ZC3H18: variants seen among roughly 807,000 people sequenced by gnomAD.
The protein encoded by ZC3H18 is zinc finger CCCH domain-containing protein 18.
Under a neutral mutation model 106.1 loss-of-function variants are expected in ZC3H18, and 8 were observed. That is an observed-to-expected ratio of 0.08 (90% CI 0.04 to 0.14). ZC3H18 has a LOEUF of 0.14. Among genes scored for constraint, ZC3H18 ranks in the 10% least tolerant of loss-of-function variants. The pLI is 1.00. For synonymous variants in ZC3H18, 635 were observed against 522.1 expected (o/e 1.22, Z -2.95); for missense variants, 1,318 against 1,278.4 (o/e 1.03, Z -0.47).
At chr16:88,611,633 C>T in intron 8 of ZC3H18, 97 bp downstream of exon 8, 1 of 1,461,146 alleles carries the variant, frequency 6.8e-7, no homozygotes, top group Non-Finnish European at 9.1e-7. Flanking sequence ...CTGTGGCCCA[C>T]AGCTCTGGAG....
rs543721324 is a variant in ZC3H18 at position 88,593,639 on chromosome 16, A to G, written c.689-4539A>G. Among the ~76,000 whole-genome samples, 33 of 152,180 alleles carry G rather than the reference A, an allele frequency of 2.2e-4. 1 individual carries two copies. The highest frequency in any genetic ancestry group is 4.7e-4 in the Non-Finnish European group (32 of 68,034). On this transcript the variant is annotated intron_variant, in intron 3 of 17. Coordinates refer to ENST00000301011, the MANE Select transcript of ZC3H18 (RefSeq NM_144604.4). ...AGCGGCCTCAAGGGGCAGCACGTGC[A>G]AGGCTGGAGCTGCGGCTGACCCTGT...
At chr16:88,616,254 C>G (rs1055114986) in intron 8 of ZC3H18, among the ~76,000 whole-genome samples, 7 of 152,194 alleles carry the variant, frequency 4.6e-5, no homozygotes, top group Non-Finnish European at 1.0e-4. Flanking sequence ...TTCTTAAAAT[C>G]AAACACAGCT....
chr16:88,622,999 C>G, intron 9 of ZC3H18: 1 of 651,156 alleles, frequency 1.5e-6, no homozygotes, highest in Non-Finnish European at 2.5e-6. Context: ...GTCTTGATTT[C>G]TAAATGCCGT....
intron 3 of ZC3H18, among the ~76,000 whole-genome samples, chr16:88,597,537 A>AG (rs1904503435): frequency 6.6e-6 from 1 of 152,258 alleles, no homozygotes; most frequent in South Asian, 2.1e-4. Flanking sequence ...TTAGACACTT[A>AG]GATGTCTTAT....
Position 88,628,081 on chromosome 16 carries a change from G to T in ZC3H18, c.2431G>T (p.Val811Leu), listed in dbSNP as rs1278424396. 6.2e-7 allele frequency: 1 copy of T among 1,614,062 alleles called. No homozygotes were observed. The highest frequency in any genetic ancestry group is 2.2e-5 in the East Asian group (1 of 44,882). ...CGGGCAGCCCCAGCAGGGCACATTT[G>T]TGGCCCACAAGGAGATCAAGTTGAC... The part of the protein sequence containing the change: ...PPGQPQQGTF[V>L]AHKEIKLTLL... Residue 811 changes from valine (V) to leucine (L), a missense_variant, in exon 15 of 18, where the codon GTG becomes TTG. Coordinates refer to ENST00000301011, the MANE Select transcript of ZC3H18 (RefSeq NM_144604.4).
rs1199147241 is a variant in ZC3H18, at chr16:88,623,107, T to C, written c.1668-112T>C. 3 of 1,457,292 alleles carry C rather than the reference T, an allele frequency of 2.1e-6. No individual in the cohort carries two copies. In the East Asian group the frequency reaches 7.4e-5, roughly 36 times the overall value. 90.3% of individuals were successfully genotyped at this position (1,457,292 alleles called of 1,614,324 possible). On this transcript the variant is annotated intron_variant, in intron 9 of 17. Coordinates refer to ENST00000301011, the MANE Select transcript of ZC3H18 (RefSeq NM_144604.4). Reference sequence around the variant, plus strand: ...TGTGCGCGCGTGCGCAGCTGTGCGCTTGTGTGTAGCTGTGCGTCTGTGGGT... The same window carrying C: ...TGTGCGCGCGTGCGCAGCTGTGCGCCTGTGTGTAGCTGTGCGTCTGTGGGT...
chr16:88,598,660 C>T lies in ZC3H18; in HGVS notation c.878C>T (p.Pro293Leu), dbSNP rs967640954. The change falls in exon 5 of 18, where the codon CCA (proline) becomes CTA (leucine). Residue 293 changes from proline (P) to leucine (L), a missense_variant. Transcript: ENST00000301011. ...GATGAAATTTTGCCTCCACCCCCTC[C>T]AGAGCCCCCAACAGAGAGTGCCTGG... ...VVDEILPPPP[P>L]EPPTESAWER... 8 of 1,613,024 alleles carry T rather than the reference C, an allele frequency of 5.0e-6. No individual in the cohort carries two copies. The African/African-American group carries it at 6.7e-5, about 13-fold the overall frequency.
chr16:88,627,648 C>A lies in ZC3H18; in HGVS notation c.2135C>A (p.Ser712Ter). 6.2e-7 allele frequency: 1 copy of A among 1,608,716 alleles called. No individual in the cohort carries two copies. The highest frequency in any genetic ancestry group is 8.5e-7 in the Non-Finnish European group (1 of 1,175,648). ...SRSLSVSSVSSVSSATSSSSS... is the reference protein window; with the variant it reads ...SRSLSVSSVS ...TCCCTGAGCGTGAGCAGCGTCTCCT[C>A]AGTGTCCAGTGCTACGTCGAGCAGC... The change falls in exon 14 of 18, where the codon TCA becomes TAA. Residue 712 changes from serine (S) to a stop codon, truncating the protein, a stop_gained. Transcript: ENST00000301011. LOFTEE classifies it high-confidence loss of function. This position sits in a 1 kb window ranked among gnomAD's most constrained non-coding sequence, Gnocchi z 4.5.
At chr16:88,604,069 C>T (rs1030541461) in intron 6 of ZC3H18, among the ~76,000 whole-genome samples, 4 of 152,132 alleles carry the variant, frequency 2.6e-5, no homozygotes, top group Non-Finnish European at 5.9e-5. Flanking sequence ...CACATATTGG[C>T]TGGATACAGT....
At chr16:88,603,290 G>T (rs184864121) in intron 6 of ZC3H18, among the ~76,000 whole-genome samples, 227 of 150,492 alleles carry the variant, frequency 1.5e-3, no homozygotes, top group Non-Finnish European at 2.5e-3. Context: ...ATCTCTTTTG[G>T]AATTAAAAAC....
Position 88,585,568 on chromosome 16 carries a change from G to A in ZC3H18, c.604-1032G>A, listed in dbSNP as rs377665848. On this transcript the variant is annotated intron_variant, in intron 2 of 17. Coordinates refer to ENST00000301011, the MANE Select transcript of ZC3H18 (RefSeq NM_144604.4). Reference sequence around the variant, plus strand: ...GGACCTGTCGTAGGGGGAGCTCAGGGAAGGCCACCCCAAGGAAGGGGACTC... The same window carrying A: ...GGACCTGTCGTAGGGGGAGCTCAGGAAAGGCCACCCCAAGGAAGGGGACTC... 2.0e-5 allele frequency among the ~76,000 whole-genome samples: 3 copies of A among 152,212 alleles called. No homozygotes were observed. In the East Asian group the frequency reaches 5.8e-4, roughly 29 times the overall value.
intron 1 of ZC3H18, among the ~76,000 whole-genome samples, chr16:88,572,554 G>A (rs1914478163): frequency 6.6e-6 from 1 of 151,994 alleles, no homozygotes; most frequent in African/African-American, 2.4e-5. Flanking sequence ...CATTCCTTAG[G>A]CAAGTTCACC....
intron 16 of ZC3H18, among the ~76,000 whole-genome samples, chr16:88,629,664 A>G (rs1906538751): frequency 6.6e-6 from 1 of 152,144 alleles, no homozygotes; most frequent in African/African-American, 2.4e-5. Context: ...TAGTGTCTAT[A>G]TTACTGTTGA....
At chr16:88,598,979 C>T (rs1430993025) in intron 5 of ZC3H18, among the ~76,000 whole-genome samples, 1 of 152,232 alleles carries the variant, frequency 6.6e-6, no homozygotes, top group East Asian at 1.9e-4. Flanking sequence ...CCTGCTCGGC[C>T]TCCCAAGTAG....
chr16:88,586,788 T>A, intron 3 of ZC3H18, 104 bp downstream of exon 3: 1 of 833,334 alleles, frequency 1.2e-6, no homozygotes, highest in South Asian at 1.4e-5. Flanking sequence ...TCAAGGCAGT[T>A]CTCTGGGCAT....
intron 12 of ZC3H18, among the ~76,000 whole-genome samples, 187 bp from the exon 13 acceptor site, chr16:88,625,015 C>T (rs1490596393): frequency 6.6e-6 from 1 of 152,158 alleles, no homozygotes; most frequent in African/African-American, 2.4e-5. Flanking sequence ...AGGTGCTGCC[C>T]CCGAGAGACT....
chr16:88,616,574 C>A (rs1035205089), intron 8 of ZC3H18, among the ~76,000 whole-genome samples: 2 of 152,210 alleles, frequency 1.3e-5, no homozygotes, highest in Non-Finnish European at 2.9e-5. Context: ...GAATTTCCAG[C>A]CAGTGCTCCT....
intron 6 of ZC3H18, among the ~76,000 whole-genome samples, chr16:88,603,735 G>A (rs1597341814): frequency 6.7e-6 from 1 of 149,758 alleles, no homozygotes; most frequent in Non-Finnish European, 1.5e-5. Flanking sequence ...CCATTCTTCT[G>A]CCTCAGCTTA....
chr16:88,618,732 G>C (rs1265444323), intron 8 of ZC3H18, among the ~76,000 whole-genome samples: 1 of 152,198 alleles, frequency 6.6e-6, no homozygotes, highest in East Asian at 1.9e-4. Flanking sequence ...ATGATAGCGC[G>C]GGCCTTGTGC....
Sources: gnomAD v4.1 joint callset for allele counts (sites outside exome capture counted in the v4.1 genomes callset) on GRCh38, gnomAD v4.1.1 for gene constraint, Gnocchi (gnomAD v3.1) non-coding constraint, MANE v1.5 for transcripts, NCBI Gene and HGNC (gene_info 2026-07-23, HGNC 2026-07-21) for gene names.